The following ZMAT4 variants were observed in gnomAD, a reference collection of about 807,000 sequenced individuals.
ZMAT4 encodes the protein zinc finger matrin-type 4.
Under a neutral mutation model 28.7 loss-of-function variants are expected in ZMAT4, and 17 were observed. That is an observed-to-expected ratio of 0.59 (90% CI 0.41 to 0.89). The LOEUF (loss-of-function observed/expected upper bound fraction) is 0.89. Ranked by LOEUF, ZMAT4 falls within the 40% of genes least tolerant of loss-of-function variation. The probability of loss-of-function intolerance (pLI) is 0.00; values close to 1 mark genes in which losing one functional copy is unlikely to be tolerated. For synonymous variants in ZMAT4, 117 were observed against 109.2 expected (o/e 1.07, Z -0.44); for missense variants, 240 against 283.8 (o/e 0.85, Z 1.11).
intron 5 of ZMAT4, among the ~76,000 whole-genome samples, chr8:40,612,899 G>A (rs1294952411): frequency 7.0e-6 from 1 of 142,652 alleles, no homozygotes. Context: ...TGCAACCTCC[G>A]CCTGCCAGGT....
chr8:40,651,019 G>A (rs1179679144), intron 5 of ZMAT4, among the ~76,000 whole-genome samples: 1 of 151,258 alleles, frequency 6.6e-6, no homozygotes. Flanking sequence ...ACTGGCACAA[G>A]ACAGGGATGC....
At chr8:40,874,132 A>G (rs972270142) in intron 1 of ZMAT4, among the ~76,000 whole-genome samples, 21 of 152,146 alleles carry the variant, frequency 1.4e-4, no homozygotes, top group Non-Finnish European at 2.9e-4. Context: ...TACTCCCTAT[A>G]AAACACTCAG....
At chr8:40,882,904 T>C (rs1340164660) in intron 1 of ZMAT4, among the ~76,000 whole-genome samples, 1 of 152,066 alleles carries the variant, frequency 6.6e-6, no homozygotes, top group Non-Finnish European at 1.5e-5. Context: ...GAAGAAAAGA[T>C]GTGTGAGTTC....
chr8:40,803,497 A>G (rs1408986837), intron 2 of ZMAT4, among the ~76,000 whole-genome samples: 1 of 152,218 alleles, frequency 6.6e-6, no homozygotes, highest in Non-Finnish European at 1.5e-5. Flanking sequence ...AAGATGCTCC[A>G]TATCAGAAGT....
chr8:40,758,273 T>C (rs1280647806), intron 3 of ZMAT4, among the ~76,000 whole-genome samples: 20 of 152,188 alleles, frequency 1.3e-4, no homozygotes, highest in Admixed American at 1.2e-3. Flanking sequence ...GAAGACTTCA[T>C]TGTATTCCCT....
intron 1 of ZMAT4, among the ~76,000 whole-genome samples, chr8:40,859,772 C>T (rs1311371171): frequency 2.6e-5 from 4 of 151,776 alleles, no homozygotes; most frequent in African/African-American, 9.7e-5. Context: ...TATGAGCAGC[C>T]AAGTTAGGTC....
At chr8:40,851,482 T>A (rs945256449) in intron 1 of ZMAT4, among the ~76,000 whole-genome samples, 1 of 152,242 alleles carries the variant, frequency 6.6e-6, no homozygotes, top group Non-Finnish European at 1.5e-5. Flanking sequence ...GTACTAATGT[T>A]AATTTCCTAG....
At chr8:40,588,676 T>A (rs1406089421) in intron 5 of ZMAT4, among the ~76,000 whole-genome samples, 4 of 152,074 alleles carry the variant, frequency 2.6e-5, no homozygotes, top group African/African-American at 9.7e-5. Flanking sequence ...TTGAGGGGAT[T>A]GCAAAATGGA....
chr8:40,590,720 T>TGTGTGA (rs1368038078), intron 5 of ZMAT4, among the ~76,000 whole-genome samples: 1 of 152,002 alleles, frequency 6.6e-6, no homozygotes, highest in East Asian at 1.9e-4. Flanking sequence ...TAAGTGTGTG[T>TGTGTGA]GTGTGTGTGT....
intron 4 of ZMAT4, among the ~76,000 whole-genome samples, chr8:40,677,850 A>C (rs1808976104): frequency 6.6e-6 from 1 of 152,204 alleles, no homozygotes; most frequent in Non-Finnish European, 1.5e-5. Flanking sequence ...CTAATTGCAA[A>C]AAATATTAAC....
intron 5 of ZMAT4, among the ~76,000 whole-genome samples, chr8:40,590,837 TTC>T (rs1375915629): frequency 2.0e-5 from 3 of 152,098 alleles, no homozygotes; most frequent in Non-Finnish European, 4.4e-5. Flanking sequence ...TATTTTCTCT[TTC>T]TGTTTGATTA....
At chr8:40,826,509 C>A (rs1177499086) in intron 1 of ZMAT4, among the ~76,000 whole-genome samples, 1 of 152,116 alleles carries the variant, frequency 6.6e-6, no homozygotes, top group Non-Finnish European at 1.5e-5. Context: ...CTTTTGTAGT[C>A]AAGGAAGAAG....
intron 3 of ZMAT4, among the ~76,000 whole-genome samples, chr8:40,718,285 G>T (rs534303158): frequency 2.6e-4 from 40 of 152,322 alleles, no homozygotes; most frequent in Non-Finnish European, 5.3e-4. Flanking sequence ...AGCCTGCCAT[G>T]GAGGTTAGGC....
chr8:40,751,932 G>A (rs1812469624), intron 3 of ZMAT4, among the ~76,000 whole-genome samples: 1 of 152,108 alleles, frequency 6.6e-6, no homozygotes, highest in South Asian at 2.1e-4. Context: ...ATGTATAAGG[G>A]AAGACCCCTG....
At position 40,655,768 on chromosome 8, in the gene ZMAT4, G is replaced by A. The variant is rs117238718; in HGVS notation, c.577+18936C>T. ...TTCCACATGCAAAAGAATAAAGTTG[G>A]ATTCTTACTTCAAATCACATACAAA... On this transcript the variant is annotated intron_variant, in intron 5 of 6. Transcript: ENST00000297737. Among the ~76,000 whole-genome samples, 1,331 of 152,100 alleles carry A rather than the reference G, an allele frequency of 8.8e-3. 13 individuals are homozygous for A. Among genetic ancestry groups the A allele is most frequent in the Non-Finnish European group, 0.013 (882 of 67,950 alleles).
intron 6 of ZMAT4, among the ~76,000 whole-genome samples, chr8:40,573,468 C>A (rs1405035320): frequency 1.3e-5 from 2 of 152,156 alleles, no homozygotes; most frequent in Non-Finnish European, 2.9e-5. Context: ...GTATCCAAAT[C>A]TCCCTTTCCT....
chr8:40,801,625 G>A lies in ZMAT4; in HGVS notation c.102+23950C>T, dbSNP rs190229022. On this transcript the variant is annotated intron_variant, in intron 2 of 6. Transcript: ENST00000297737. ...GCAGAGGTGGCAGTGGGCTGAGATCGCACCATTGAACTCCAGCCTGGGCAA... is the reference window on the plus strand; with the variant it reads ...GCAGAGGTGGCAGTGGGCTGAGATCACACCATTGAACTCCAGCCTGGGCAA... Among the ~76,000 whole-genome samples the A allele has an allele frequency of 1.3e-3, 196 of 151,876 alleles. 3 individuals carry two copies. The highest frequency in any genetic ancestry group is 0.012 in the Admixed American group (180 of 15,248).
intron 1 of ZMAT4, among the ~76,000 whole-genome samples, chr8:40,838,560 T>A (rs1276543690): frequency 6.6e-6 from 1 of 151,906 alleles, no homozygotes; most frequent in East Asian, 1.9e-4. Context: ...AGGCTGGGGG[T>A]GATACCCTTC....
At position 40,767,672 on chromosome 8, in the gene ZMAT4, C is replaced by G. The variant is rs1813220686; in HGVS notation, c.161G>C (p.Gly54Ala). 2.5e-6 allele frequency: 4 copies of G among 1,612,838 alleles called. No homozygotes were observed. The South Asian group carries it at 4.4e-5, about 18-fold the overall frequency. ...LYYMLHPRDGGCPAKRLRSEN... is the reference protein window; with the variant it reads ...LYYMLHPRDGACPAKRLRSEN... Reference sequence around the variant, plus strand: ...TGACCGGAGCCTCTTGGCAGGACACCCTCCATCCCTGGGGTGAAGCATGTA... The same window carrying G: ...TGACCGGAGCCTCTTGGCAGGACACGCTCCATCCCTGGGGTGAAGCATGTA... The change falls in exon 3 of 7, where the codon GGG becomes GCG. Residue 54 changes from glycine to alanine, a missense_variant. Transcript: ENST00000297737.
Sources: allele counts gnomAD v4.1 joint callset (sites outside exome capture counted in the v4.1 genomes callset), GRCh38; gene constraint gnomAD v4.1.1; transcripts MANE v1.5; gene names NCBI Gene and HGNC (gene_info 2026-07-23, HGNC 2026-07-21).